Variants in BDKRB2 observed in about 807,000 individuals in gnomAD.
BDKRB2 encodes B2 bradykinin receptor.
BDKRB2 carries 6 observed loss-of-function variants against 4.0 expected under a neutral mutation model. That is an observed-to-expected ratio of 1.49 (90% CI 0.81 to 2.93). BDKRB2 has a LOEUF of 2.93. Among genes scored for constraint, BDKRB2 ranks in the 30% most tolerant of loss-of-function variants. The probability of loss-of-function intolerance (pLI) is 0.00; values close to 1 mark genes in which losing one functional copy is unlikely to be tolerated. For missense variants in BDKRB2, 478 were observed against 520.1 expected (o/e 0.92, Z 0.79); for synonymous variants, 225 against 215.3 (o/e 1.05, Z -0.40).
chr14:96,223,298 C>T (rs1009751378), intron 1 of BDKRB2: 25 of 1,064,106 alleles, frequency 2.3e-5, no homozygotes, highest in South Asian at 3.8e-5. Flanking sequence ...GAATCAGAAC[C>T]TCACATCTTG....
intron 2 of BDKRB2, chr14:96,237,819 A>T: frequency 1.6e-6 from 2 of 1,289,756 alleles, no homozygotes; most frequent in African/African-American, 1.5e-5. Context: ...CTTTCTGATG[A>T]TCCGATGGCT....
At chr14:96,215,733 T>A (rs866038074) in intron 1 of BDKRB2, among the ~76,000 whole-genome samples, 26 of 152,292 alleles carry the variant, frequency 1.7e-4, no homozygotes, top group African/African-American at 5.1e-4. Flanking sequence ...AAAAGGCAGG[T>A]CCTTGGAGAC....
chr14:96,239,858 G>C, intron 2 of BDKRB2: 2 of 985,524 alleles, frequency 2.0e-6, no homozygotes, highest in Non-Finnish European at 2.4e-6. Context: ...TTTGCTGATA[G>C]AAGGTACGGA....
intron 1 of BDKRB2, among the ~76,000 whole-genome samples, chr14:96,227,708 C>A (rs546104251): frequency 2.0e-5 from 3 of 152,270 alleles, no homozygotes; most frequent in Middle Eastern, 3.4e-3. Context: ...CACACACACA[C>A]AAATGCACAC....
chr14:96,239,537 G>C, intron 2 of BDKRB2: 1 of 985,406 alleles, frequency 1.0e-6, no homozygotes, highest in Non-Finnish European at 1.2e-6. Flanking sequence ...CCAACAAACG[G>C]TGGTGTTGGA....
chr14:96,210,559 G>A (rs538694980), intron 1 of BDKRB2, among the ~76,000 whole-genome samples: 60 of 152,308 alleles, frequency 3.9e-4, no homozygotes, highest in Non-Finnish European at 5.7e-4. Context: ...TCCTTGTTTT[G>A]TGGTAAGATC....
At chr14:96,230,958 TA>T (rs1315278761) in intron 1 of BDKRB2, among the ~76,000 whole-genome samples, 3 of 149,890 alleles carry the variant, frequency 2.0e-5, no homozygotes. Flanking sequence ...AGAGAGATGT[TA>T]TTTTTTTTAA....
intron 1 of BDKRB2, among the ~76,000 whole-genome samples, chr14:96,227,981 G>T (rs1890737769): frequency 6.6e-6 from 1 of 152,206 alleles, no homozygotes; most frequent in South Asian, 2.1e-4. Context: ...GGTCCAAGCT[G>T]CCCCCTGCAC....
intron 1 of BDKRB2, among the ~76,000 whole-genome samples, chr14:96,231,892 G>C (rs1197476819): frequency 1.3e-5 from 2 of 152,178 alleles, no homozygotes; most frequent in Non-Finnish European, 2.9e-5. Flanking sequence ...AGAGGAGATA[G>C]GAGATGCAGA....
intron 1 of BDKRB2, among the ~76,000 whole-genome samples, chr14:96,220,460 G>A (rs1011261904): frequency 2.0e-5 from 3 of 152,062 alleles, no homozygotes; most frequent in African/African-American, 7.3e-5. Context: ...CAAGGAAGCT[G>A]ACAGATCTTT....
chr14:96,238,339 C>A, intron 2 of BDKRB2: 1 of 577,808 alleles, frequency 1.7e-6, no homozygotes, highest in Non-Finnish European at 2.2e-6. Context: ...TATGACCTAG[C>A]CTCAGAAATC....
At chr14:96,215,011 A>G (rs921189143) in intron 1 of BDKRB2, among the ~76,000 whole-genome samples, 1 of 152,206 alleles carries the variant, frequency 6.6e-6, no homozygotes, top group African/African-American at 2.4e-5. Context: ...TTTTTTACGT[A>G]AATAAACCCA....
At chr14:96,229,002 G>A (rs986241079) in intron 1 of BDKRB2, among the ~76,000 whole-genome samples, 1 of 152,210 alleles carries the variant, frequency 6.6e-6, no homozygotes, top group Non-Finnish European at 1.5e-5. Context: ...TCAGTGCAGT[G>A]TTGAGGCTGG....
chr14:96,229,796 G>A (rs750936297), intron 1 of BDKRB2, among the ~76,000 whole-genome samples: 1 of 152,128 alleles, frequency 6.6e-6, no homozygotes, highest in African/African-American at 2.4e-5. Context: ...CAGCAACGTG[G>A]CTGTGGCACT....
chr14:96,225,251 T>C (rs987344458), intron 1 of BDKRB2, among the ~76,000 whole-genome samples: 2 of 152,094 alleles, frequency 1.3e-5, no homozygotes, highest in Non-Finnish European at 2.9e-5. Context: ...ATGAGGAAAT[T>C]AAAGCTCAGA....
At chr14:96,225,113 T>G (rs774571961) in intron 1 of BDKRB2, among the ~76,000 whole-genome samples, 5 of 152,172 alleles carry the variant, frequency 3.3e-5, no homozygotes, top group Non-Finnish European at 7.3e-5. Context: ...GCAGACTCAG[T>G]GTGCTGATCC....
intron 1 of BDKRB2, among the ~76,000 whole-genome samples, chr14:96,210,371 T>C (rs1441619245): frequency 6.6e-6 from 1 of 152,184 alleles, no homozygotes; most frequent in African/African-American, 2.4e-5. Context: ...ACACATGTCC[T>C]TGAAGTGGAG....
At chr14:96,223,390 C>G in intron 1 of BDKRB2, 1 of 771,650 alleles carries the variant, frequency 1.3e-6, no homozygotes, top group Non-Finnish European at 2.4e-6. Context: ...ACACAGCTGT[C>G]CTTACTTCCT....
intron 1 of BDKRB2, among the ~76,000 whole-genome samples, chr14:96,213,002 TAATAGTC>T (rs1333738020): frequency 2.0e-5 from 3 of 152,320 alleles, no homozygotes; most frequent in Admixed American, 2.0e-4. Flanking sequence ...AGTATTTTTT[TAATAGTC>T]AATATTTAGA....
Sources: allele counts gnomAD v4.1 joint callset (sites outside exome capture counted in the v4.1 genomes callset), GRCh38; gene constraint gnomAD v4.1.1; transcripts MANE v1.5; gene names NCBI Gene and HGNC (gene_info 2026-07-23, HGNC 2026-07-21).